RABGAP1L: variants seen among roughly 807,000 people sequenced by gnomAD.
RABGAP1L encodes the protein rab GTPase-activating protein 1-like.
A neutral mutation model predicts 137.7 loss-of-function variants in RABGAP1L; 63 were observed. The ratio of observed to expected loss-of-function variants is 0.46; its 90% CI spans 0.37 to 0.56. The LOEUF is 0.56. RABGAP1L is among the 20% of genes least tolerant of loss of function. The pLI is 0.00. For synonymous variants in RABGAP1L, 431 were observed against 433.7 expected, an observed-to-expected ratio of 0.99 and a Z score of 0.08; for missense variants, 1,095 against 1,244.0, an observed-to-expected ratio of 0.88 and a Z score of 1.80.
intron 19 of RABGAP1L, among the ~76,000 whole-genome samples, chr1:174,914,038 TAAG>T (rs1049055325): frequency 4.6e-5 from 7 of 152,198 alleles, no homozygotes; most frequent in Non-Finnish European, 7.4e-5. Flanking sequence ...TGCAATTAGA[TAAG>T]AACATTTTTA....
intron 13 of RABGAP1L, among the ~76,000 whole-genome samples, chr1:174,444,227 A>G (rs1265950517): frequency 6.6e-6 from 1 of 151,504 alleles, no homozygotes; most frequent in Non-Finnish European, 1.5e-5. Context: ...TGGTATTTTG[A>G]AAGGGATTAC....
chr1:174,517,206 A>G (rs1291939051), intron 13 of RABGAP1L, among the ~76,000 whole-genome samples: 1 of 152,110 alleles, frequency 6.6e-6, no homozygotes, highest in Non-Finnish European at 1.5e-5. Flanking sequence ...TAACTTAACC[A>G]TATGTTATTA....
chr1:174,214,298 A>G (rs1004200148), intron 1 of RABGAP1L, among the ~76,000 whole-genome samples: 2 of 152,200 alleles, frequency 1.3e-5, no homozygotes, highest in East Asian at 1.9e-4. Context: ...AAAGATCTCC[A>G]CAATGAAAAC....
rs41266062 is a variant in RABGAP1L at position 174,989,979 on chromosome 1, A to C, written c.3134A>C (p.Gln1045Pro). Residue 1045 changes from glutamine (Q) to proline (P), a missense_variant, in exon 26 of 26, where the codon CAG (glutamine) becomes CCG (proline). Physicochemically the swap from Gln to Pro is moderately conservative, Grantham distance 76 (BLOSUM62 -1). Coordinates refer to ENST00000681986, the MANE Select transcript of RABGAP1L (RefSeq NM_001366446.1). ...TQPLQPAPVT[Q>P]PPKEST ...CCATTGCAGCCAGCACCGGTCACCCAGCCACCCAAGGAGAGCACATAGTTC... is the reference window on the plus strand; with the variant it reads ...CCATTGCAGCCAGCACCGGTCACCCCGCCACCCAAGGAGAGCACATAGTTC... 5,261 of 1,547,206 alleles carry C rather than the reference A, an allele frequency of 3.4e-3. 14 individuals are homozygous for C. Among genetic ancestry groups the C allele is most frequent in the Non-Finnish European group, 3.9e-3 (4,478 of 1,143,800 alleles).
At chr1:174,738,254 A>G (rs779117751) in intron 17 of RABGAP1L, among the ~76,000 whole-genome samples, 12 of 152,180 alleles carry the variant, frequency 7.9e-5, no homozygotes, top group South Asian at 2.1e-4. Flanking sequence ...ATAGGAAGAC[A>G]CTCAGGAAGT....
At chr1:174,377,987 C>T (rs931380480) in intron 12 of RABGAP1L, among the ~76,000 whole-genome samples, 2 of 130,426 alleles carry the variant, frequency 1.5e-5, no homozygotes, top group African/African-American at 6.3e-5. Flanking sequence ...TTCCTGTGTC[C>T]ATGTGATCTC....
Position 174,302,468 on chromosome 1 carries a change from T to C in RABGAP1L, c.1324-2518T>C, listed in dbSNP as rs557928022. Among the ~76,000 whole-genome samples, 19 of 152,302 alleles carry C rather than the reference T, an allele frequency of 1.2e-4. No homozygotes were observed. In the South Asian group the frequency reaches 3.7e-3, roughly 30 times the overall value. ...TAGAATGAATTGAGAGGAGCCATAA[T>C]GGTAAAAAGACATGAAATGGTACTT... On this transcript the variant is annotated intron_variant, in intron 10 of 25. Transcript: ENST00000681986.
In RABGAP1L at chr1:174,814,073, A is replaced by G. The variant is rs146539032; in HGVS notation, c.2340+2113A>G. On this transcript the variant is annotated intron_variant, in intron 19 of 25. Coordinates refer to ENST00000681986, the MANE Select transcript of RABGAP1L (RefSeq NM_001366446.1). ...TAGGGAAAATTTTTTTCTCCAATAT[A>G]ATTTATGAAGTTCCTGGAGGTGGCT... Among the ~76,000 whole-genome samples, 5 of 152,230 alleles carry G rather than the reference A, an allele frequency of 3.3e-5. No homozygotes were observed. In the East Asian group the frequency reaches 7.7e-4, roughly 24 times the overall value.
rs770177131 is a variant in RABGAP1L, at chr1:174,448,065, T to C, written c.1710+53920T>C. ...TGTTTAACAGATGCTGGGCAGGGCA[T>C]CTGCTTGCTGTAGCCAAGTCTGCAG... On this transcript the variant is annotated intron_variant, in intron 13 of 25. Transcript: ENST00000681986. The surrounding 1 kb of genome is among the most constrained non-coding windows in gnomAD (Gnocchi z 4.2). The C allele has an allele frequency of 3.9e-6, 6 of 1,551,662 alleles. No individual in the cohort carries two copies. In the South Asian group the frequency reaches 7.3e-5, roughly 19 times the overall value.
chr1:174,518,265 TC>T (rs1663043317), intron 13 of RABGAP1L, among the ~76,000 whole-genome samples: 1 of 152,152 alleles, frequency 6.6e-6, no homozygotes, highest in Non-Finnish European at 1.5e-5. Context: ...GATTGAACTA[TC>T]CGTATAAAGC....
Position 174,619,860 on chromosome 1 carries a change from T to G in RABGAP1L, c.1711-17515T>G, listed in dbSNP as rs566891188. On this transcript the variant is annotated intron_variant, in intron 13 of 25. Transcript: ENST00000681986. ...ACAGACTGGCAAATTGGATAAAGAG[T>G]CAGGACCCATCAGTGTGCTGTATTC... Among the ~76,000 whole-genome samples, 46 of 152,082 alleles carry G rather than the reference T, an allele frequency of 3.0e-4. 1 individual carries two copies. The highest frequency in any genetic ancestry group is 1.1e-3 in the African/African-American group (45 of 41,484).
At chr1:174,598,253 G>A (rs973527836) in intron 13 of RABGAP1L, among the ~76,000 whole-genome samples, 1 of 150,674 alleles carries the variant, frequency 6.6e-6, no homozygotes, top group East Asian at 1.9e-4. Flanking sequence ...CCTTGAACCC[G>A]GGAGGCGGAG....
intron 13 of RABGAP1L, among the ~76,000 whole-genome samples, chr1:174,550,897 C>CATATATATATATATATATATAT (rs1417171599): frequency 2.7e-5 from 1 of 36,972 alleles, no homozygotes; most frequent in Non-Finnish European, 4.6e-5. Context: ...TATATATATA[C>CATATATATATATATATATATAT]ACACACACAT....
chr1:174,614,577 AG>A (rs1222196926), intron 13 of RABGAP1L, among the ~76,000 whole-genome samples: 4 of 151,900 alleles, frequency 2.6e-5, no homozygotes, highest in African/African-American at 9.7e-5. Context: ...CTTCTTGAGG[AG>A]TATCTTTGTG....
intron 19 of RABGAP1L, among the ~76,000 whole-genome samples, chr1:174,827,501 C>T (rs1558121917): frequency 8.2e-6 from 1 of 121,996 alleles, no homozygotes; most frequent in Admixed American, 7.9e-5. Context: ...CTCATAGTAA[C>T]TGAGTGCGCA....
At chr1:174,667,832 C>G (rs937431234) in intron 14 of RABGAP1L, among the ~76,000 whole-genome samples, 3 of 152,184 alleles carry the variant, frequency 2.0e-5, no homozygotes, top group Non-Finnish European at 4.4e-5. Context: ...ATGTTGACCT[C>G]CTCCACAGGG....
chr1:174,318,634 TTTTC>T (rs1230196075), intron 11 of RABGAP1L, among the ~76,000 whole-genome samples: 6 of 90,586 alleles, frequency 6.6e-5, no homozygotes, highest in African/African-American at 2.3e-4. Flanking sequence ...CTTTCTTTCT[TTTTC>T]TTTCTTTTTT....
chr1:174,744,134 G>GCTGC (rs1293412741), intron 17 of RABGAP1L, among the ~76,000 whole-genome samples: 1 of 139,426 alleles, frequency 7.2e-6, no homozygotes. Context: ...GATTTTCAGT[G>GCTGC]CTGCAATCCT....
At chr1:174,858,921 G>A (rs1649755850) in intron 19 of RABGAP1L, among the ~76,000 whole-genome samples, 2 of 152,312 alleles carry the variant, frequency 1.3e-5, no homozygotes, top group South Asian at 2.1e-4. Flanking sequence ...AGATGCTGGT[G>A]AGGTTGTTGA....
Sources: gnomAD v4.1 joint callset for allele counts (sites outside exome capture counted in the v4.1 genomes callset) on GRCh38, gnomAD v4.1.1 for gene constraint, Gnocchi (gnomAD v3.1) non-coding constraint, MANE v1.5 for transcripts, NCBI Gene and HGNC (gene_info 2026-07-23, HGNC 2026-07-21) for gene names.